ADGRL3: variants seen among roughly 807,000 people sequenced by gnomAD.
ADGRL3 encodes adhesion G protein-coupled receptor L3, also known as calcium-independent alpha-latrotoxin receptor 3.
Under a neutral mutation model 153.5 loss-of-function variants are expected in ADGRL3, and 62 were observed. That is an observed-to-expected ratio of 0.40 (90% CI 0.33 to 0.50). The LOEUF (loss-of-function observed/expected upper bound fraction) is 0.50. ADGRL3 is among the 20% of genes least tolerant of loss of function. The pLI is 0.47. For synonymous variants in ADGRL3, 710 were observed against 672.5 expected (o/e 1.06, Z -0.86); for missense variants, 1,641 against 1,859.4 (o/e 0.88, Z 2.16).
intron 21 of ADGRL3, among the ~76,000 whole-genome samples, chr4:62,021,717 C>G (rs1013799562): frequency 3.3e-5 from 5 of 152,032 alleles, no homozygotes; most frequent in African/African-American, 9.7e-5. Flanking sequence ...ATTATTATAT[C>G]TGTTAGGGTT....
intron 17 of ADGRL3, among the ~76,000 whole-genome samples, chr4:61,950,205 AAAT>A (rs2098941675): frequency 2.0e-5 from 3 of 152,258 alleles, no homozygotes; most frequent in South Asian, 4.1e-4. Context: ...TAATAATAAT[AAAT>A]AAGATATGAA....
At chr4:61,981,205 T>C (rs2099067120) in intron 18 of ADGRL3, among the ~76,000 whole-genome samples, 1 of 152,168 alleles carries the variant, frequency 6.6e-6, no homozygotes, top group African/African-American at 2.4e-5. Flanking sequence ...TAGGGCTCAA[T>C]ATTGAGGAAA....
intron 5 of ADGRL3, among the ~76,000 whole-genome samples, chr4:61,622,230 G>T (rs369092939): frequency 1.3e-5 from 2 of 151,964 alleles, no homozygotes; most frequent in African/African-American, 4.8e-5. Flanking sequence ...ATTCTGTAAA[G>T]CTTCTATATT....
At chr4:61,657,390 A>C (rs987035742) in intron 5 of ADGRL3, among the ~76,000 whole-genome samples, 2 of 150,952 alleles carry the variant, frequency 1.3e-5, no homozygotes, top group Non-Finnish European at 3.0e-5. Context: ...ATATATGTCT[A>C]TATATATATA....
At chr4:61,627,381 A>T (rs1366582025) in intron 5 of ADGRL3, among the ~76,000 whole-genome samples, 1 of 152,188 alleles carries the variant, frequency 6.6e-6, no homozygotes, top group Admixed American at 6.5e-5. Context: ...TGGGAGGCAG[A>T]GGTGGGCGGA....
chr4:61,287,278 A>T (rs2093974266), intron 1 of ADGRL3, among the ~76,000 whole-genome samples: 1 of 151,900 alleles, frequency 6.6e-6, no homozygotes, highest in Non-Finnish European at 1.5e-5. Flanking sequence ...ATACTAATAT[A>T]ATCTCTTTCT....
intron 2 of ADGRL3, among the ~76,000 whole-genome samples, chr4:61,421,578 A>G (rs2097208126): frequency 1.3e-5 from 2 of 152,188 alleles, no homozygotes; most frequent in Non-Finnish European, 2.9e-5. Flanking sequence ...CAGGAAAAAT[A>G]TTTCTAAATG....
At chr4:61,886,803 G>A (rs753115316) in intron 9 of ADGRL3, among the ~76,000 whole-genome samples, 9 of 151,508 alleles carry the variant, frequency 5.9e-5, no homozygotes. Flanking sequence ...CATCATGCCC[G>A]GCTAATTTTT....
intron 1 of ADGRL3, among the ~76,000 whole-genome samples, chr4:61,265,116 T>C (rs772722628): frequency 6.6e-6 from 1 of 151,946 alleles, no homozygotes; most frequent in Non-Finnish European, 1.5e-5. Context: ...TGATGATCAG[T>C]AGTAGGTGTT....
chr4:61,492,289 A>G (rs1158509923), intron 2 of ADGRL3, among the ~76,000 whole-genome samples: 3 of 152,194 alleles, frequency 2.0e-5, no homozygotes, highest in Admixed American at 1.3e-4. Flanking sequence ...TATAATTTAT[A>G]ACAAGTGAAA....
intron 4 of ADGRL3, among the ~76,000 whole-genome samples, chr4:61,539,024 C>T (rs1057090322): frequency 1.9e-4 from 29 of 152,178 alleles, no homozygotes; most frequent in African/African-American, 6.0e-4. Context: ...CCTCTGGCTA[C>T]TGGGTGATTG....
intron 9 of ADGRL3, among the ~76,000 whole-genome samples, chr4:61,880,659 T>C (rs527601929): frequency 1.3e-5 from 2 of 152,342 alleles, no homozygotes; most frequent in East Asian, 1.9e-4. Context: ...CTGTATAGTT[T>C]ACATGTGGTT....
At position 61,996,348 on chromosome 4, in the gene ADGRL3, G is replaced by A; in HGVS notation, c.3294G>A (p.Leu1098=). 1 of 1,609,642 alleles carries A rather than the reference G, an allele frequency of 6.2e-7. No homozygotes were observed. The highest frequency in any genetic ancestry group is 1.3e-5 in the African/African-American group (1 of 74,932). ...FIWSFIGPAT[L]IIMLNVIFLG... The stretch of plus-strand genomic sequence containing the variant: ...GGAGTTTTATAGGACCAGCAACTTT[G>A]ATAATTATGGTAAGAATTCCTAATT... Residue 1098 remains leucine, a synonymous_variant, in exon 20 of 27, where the codon TTG becomes TTA. Transcript: ENST00000683033.
At chr4:61,846,362 C>G (rs2064800684) in intron 9 of ADGRL3, among the ~76,000 whole-genome samples, 1 of 151,670 alleles carries the variant, frequency 6.6e-6, no homozygotes, top group East Asian at 1.9e-4. Flanking sequence ...AAAAGTTACA[C>G]ATATTCATGT....
chr4:61,469,439 A>G (rs1245595843), intron 2 of ADGRL3, among the ~76,000 whole-genome samples: 11 of 152,020 alleles, frequency 7.2e-5, no homozygotes, highest in Non-Finnish European at 1.6e-4. Flanking sequence ...TTTTGTTAAT[A>G]AGCTCTCATG....
At chr4:61,587,476 A>C in intron 5 of ADGRL3, 36 bp downstream of exon 5, 1 of 1,444,028 alleles carries the variant, frequency 6.9e-7, no homozygotes, top group Non-Finnish European at 9.7e-7. Context: ...TTTGTGCACA[A>C]TATAAACCTT....
intron 8 of ADGRL3, among the ~76,000 whole-genome samples, chr4:61,811,490 G>A (rs1391909971): frequency 2.0e-5 from 3 of 152,044 alleles, no homozygotes; most frequent in Non-Finnish European, 2.9e-5. Flanking sequence ...TGGCTTGGGA[G>A]GAAATGAGGA....
At chr4:61,574,212 G>A (rs1325672503) in intron 4 of ADGRL3, among the ~76,000 whole-genome samples, 1 of 151,874 alleles carries the variant, frequency 6.6e-6, no homozygotes, top group Non-Finnish European at 1.5e-5. Context: ...AATTAAAAAT[G>A]CACATTTTTC....
intron 2 of ADGRL3, among the ~76,000 whole-genome samples, chr4:61,442,841 A>C (rs1482011350): frequency 1.3e-5 from 2 of 152,108 alleles, no homozygotes; most frequent in Non-Finnish European, 2.9e-5. Flanking sequence ...ATAACCATAT[A>C]TTTTTTATTA....
Sources: gnomAD v4.1 joint callset for allele counts (sites outside exome capture counted in the v4.1 genomes callset) on GRCh38, gnomAD v4.1.1 for gene constraint, MANE v1.5 for transcripts, NCBI Gene and HGNC (gene_info 2026-07-23, HGNC 2026-07-21) for gene names.